The following PITPNC1 variants were observed in gnomAD, a reference collection of about 807,000 sequenced individuals.
PITPNC1 encodes cytoplasmic phosphatidylinositol transfer protein 1.
In PITPNC1, 18 loss-of-function variants were observed where a neutral mutation model predicts 44.7. The ratio of observed to expected loss-of-function variants is 0.40; its 90% CI spans 0.28 to 0.60. PITPNC1 has a LOEUF of 0.60. Among genes scored for constraint, PITPNC1 ranks in the 20% least tolerant of loss-of-function variants. PITPNC1 has a pLI of 0.39. For missense variants in PITPNC1, 290 were observed against 418.4 expected (o/e 0.69, Z 2.68); for synonymous variants, 141 against 149.6 (o/e 0.94, Z 0.42).
chr17:67,485,782 ACTT>A (rs1415437307), intron 1 of PITPNC1, among the ~76,000 whole-genome samples: 1 of 152,148 alleles, frequency 6.6e-6, no homozygotes. Context: ...AAGAAAAATG[ACTT>A]CTTCGGTCAA....
chr17:67,442,596 A>G (rs1448133457), intron 1 of PITPNC1, among the ~76,000 whole-genome samples: 1 of 151,940 alleles, frequency 6.6e-6, no homozygotes, highest in Admixed American at 6.6e-5. Context: ...TAATCCCAGC[A>G]TATTGGGAGG....
chr17:67,379,296 G>C (rs2037922099), intron 1 of PITPNC1: 2 of 985,342 alleles, frequency 2.0e-6, no homozygotes, highest in South Asian at 4.7e-5. Flanking sequence ...CTTGGTGAGA[G>C]GGGCGATGTG....
At chr17:67,553,741 T>G in intron 4 of PITPNC1, 124 bp downstream of exon 4, 1 of 441,886 alleles carries the variant, frequency 2.3e-6, no homozygotes, top group African/African-American at 2.0e-5. Context: ...AAGTCAGAAA[T>G]ATTTAAATGT....
rs1054198279 is a variant in PITPNC1 at position 67,545,091 on chromosome 17, C to A, written c.198-7166C>A. Among the ~76,000 whole-genome samples, 5 of 151,392 alleles carry A rather than the reference C, an allele frequency of 3.3e-5. No homozygotes were observed. The East Asian group carries it at 9.7e-4, about 29-fold the overall frequency. ...CTTTGGGAGGCTGAGGCAGGAGGATCCCTTGAGGCCAGGAGTTCGAGACAA... is the reference window on the plus strand; with the variant it reads ...CTTTGGGAGGCTGAGGCAGGAGGATACCTTGAGGCCAGGAGTTCGAGACAA... On this transcript the variant is annotated intron_variant, in intron 2 of 8. Transcript: ENST00000581322.
intron 1 of PITPNC1, among the ~76,000 whole-genome samples, chr17:67,483,102 G>A (rs2144030473): frequency 6.6e-6 from 1 of 152,250 alleles, no homozygotes; most frequent in Admixed American, 6.5e-5. Flanking sequence ...ATTTAGCCTG[G>A]GATGAACTGG....
chr17:67,645,049 G>C (rs2042131921), intron 6 of PITPNC1, among the ~76,000 whole-genome samples: 1 of 152,116 alleles, frequency 6.6e-6, no homozygotes, highest in Non-Finnish European at 1.5e-5. Context: ...GGTAGGAAGT[G>C]TTTCGTTTTG....
intron 1 of PITPNC1, among the ~76,000 whole-genome samples, chr17:67,396,958 A>G (rs1304824131): frequency 6.6e-6 from 1 of 151,790 alleles, no homozygotes; most frequent in Non-Finnish European, 1.5e-5. Context: ...CCTGGCAACC[A>G]TCTTATTTTT....
chr17:67,631,665 TATATATAAA>T (rs2041973120), intron 5 of PITPNC1, among the ~76,000 whole-genome samples: 1 of 74,538 alleles, frequency 1.3e-5, no homozygotes, highest in Non-Finnish European at 3.1e-5. Context: ...AAAATATATA[TATATATAAA>T]ATATATATTT....
intron 1 of PITPNC1, chr17:67,379,466 C>A: frequency 1.5e-6 from 1 of 687,778 alleles, no homozygotes; most frequent in Non-Finnish European, 1.8e-6. Flanking sequence ...GGGACACAGG[C>A]TGCCAAGGAG....
intron 1 of PITPNC1, among the ~76,000 whole-genome samples, chr17:67,489,798 C>T (rs1383145117): frequency 6.6e-6 from 1 of 152,078 alleles, no homozygotes; most frequent in Non-Finnish European, 1.5e-5. Flanking sequence ...GGCTAGAGTG[C>T]AGTGATAGGA....
At chr17:67,621,918 ACG>A (rs1189249829) in intron 5 of PITPNC1, among the ~76,000 whole-genome samples, 1 of 152,104 alleles carries the variant, frequency 6.6e-6, no homozygotes, top group Non-Finnish European at 1.5e-5. Flanking sequence ...GGAGTTTGAG[ACG>A]CACCTGGGCA....
In PITPNC1 at chr17:67,676,162, G is replaced by A. The variant is rs1238741615; in HGVS notation, c.682+620G>A. Among the ~76,000 whole-genome samples, 5 of 150,812 alleles carry A rather than the reference G, an allele frequency of 3.3e-5. No homozygotes were observed. Among genetic ancestry groups the A allele is most frequent in the African/African-American group, 1.2e-4 (5 of 40,938 alleles). ...GCGGAGTTTGCAGTGAGCCGAGATC[G>A]CACCACTGCACTCCAGCCTGGGGGA... On this transcript the variant is annotated intron_variant, in intron 8 of 8. Transcript: ENST00000581322. This position sits in a 1 kb window ranked among gnomAD's most constrained non-coding sequence, Gnocchi z 4.0.
At chr17:67,455,033 C>CTGGT (rs950248055) in intron 1 of PITPNC1, among the ~76,000 whole-genome samples, 5 of 151,968 alleles carry the variant, frequency 3.3e-5, no homozygotes, top group Admixed American at 3.3e-4. Context: ...GTTGCCCAGG[C>CTGGT]TGGTCTTGAA....
chr17:67,538,599 C>CTAAA (rs772716688), intron 2 of PITPNC1, among the ~76,000 whole-genome samples: 6 of 151,574 alleles, frequency 4.0e-5, no homozygotes, highest in African/African-American at 9.7e-5. Flanking sequence ...GACCCTGTCT[C>CTAAA]TAAATAAATA....
chr17:67,382,018 A>G (rs1407441724), intron 1 of PITPNC1, among the ~76,000 whole-genome samples: 1 of 152,202 alleles, frequency 6.6e-6, no homozygotes, highest in Non-Finnish European at 1.5e-5. Context: ...AGGCCACACA[A>G]CTAGTTAATA....
At chr17:67,481,656 TA>T (rs763007016) in intron 1 of PITPNC1, among the ~76,000 whole-genome samples, 2 of 151,710 alleles carry the variant, frequency 1.3e-5, no homozygotes, top group East Asian at 3.9e-4. Flanking sequence ...TTATTACCCG[TA>T]AAATAAAAAT....
chr17:67,541,150 T>G (rs2144144075), intron 2 of PITPNC1, among the ~76,000 whole-genome samples: 1 of 152,242 alleles, frequency 6.6e-6, no homozygotes, highest in Non-Finnish European at 1.5e-5. Context: ...GGGAGGCAGA[T>G]GTTGCAGAGA....
intron 4 of PITPNC1, among the ~76,000 whole-genome samples, chr17:67,562,163 C>T (rs1285303913): frequency 1.3e-5 from 2 of 152,242 alleles, no homozygotes; most frequent in Non-Finnish European, 2.9e-5. Context: ...CCCTTCTGGC[C>T]TTGCTTTCCT....
At chr17:67,433,910 CATA>C (rs368751732) in intron 1 of PITPNC1, among the ~76,000 whole-genome samples, 9 of 151,148 alleles carry the variant, frequency 6.0e-5, no homozygotes, top group Non-Finnish European at 7.4e-5. Context: ...TCCTCCTCCC[CATA>C]ATAATAATAA....
Sources: allele counts gnomAD v4.1 joint callset (sites outside exome capture counted in the v4.1 genomes callset), GRCh38; gene constraint gnomAD v4.1.1; non-coding constraint Gnocchi (gnomAD v3.1); transcripts MANE v1.5; gene names NCBI Gene and HGNC (gene_info 2026-07-23, HGNC 2026-07-21).